Variants in LRIG3 observed in about 807,000 individuals in gnomAD.
LRIG3 encodes leucine-rich repeats and immunoglobulin-like domains protein 3.
A neutral mutation model predicts 114.5 loss-of-function variants in LRIG3; 76 were observed. That is an observed-to-expected ratio of 0.66 (90% CI 0.55 to 0.80). The LOEUF (loss-of-function observed/expected upper bound fraction) is 0.80, where lower values mean the gene tolerates loss of function less well. Among genes scored for constraint, LRIG3 ranks in the 30% least tolerant of loss-of-function variants. The pLI is 0.00. For missense variants in LRIG3, 1,239 were observed against 1,382.8 expected, an observed-to-expected ratio of 0.90 and a Z score of 1.65; for synonymous variants, 512 against 519.8, an observed-to-expected ratio of 0.98 and a Z score of 0.20.
At chr12:58,887,694 A>C (rs1321318194) in intron 8 of LRIG3, 95 bp downstream of exon 8, 2 of 1,354,612 alleles carry the variant, frequency 1.5e-6, no homozygotes, top group Admixed American at 3.7e-5. Context: ...GGCTGTATGC[A>C]TTTCCTTGAC....
intron 3 of LRIG3, among the ~76,000 whole-genome samples, chr12:58,912,211 T>G (rs781146999): frequency 6.6e-5 from 10 of 152,174 alleles, no homozygotes; most frequent in Non-Finnish European, 1.3e-4. Context: ...TGTAAAACAC[T>G]AGGGGCTGGG....
chr12:58,920,006 G>A lies in LRIG3; in HGVS notation c.230C>T (p.Ala77Val), dbSNP rs1208420737. 1 of 1,552,332 alleles carries A rather than the reference G, an allele frequency of 6.4e-7. No homozygotes were observed. The stretch of plus-strand genomic sequence containing the variant: ...CCGCGGGAAGAATACTTACAGCCGA[G>A]CGACCCAGGACGGGAGTGGCTCGGG... ...RLPEPLPSWV[A>V]RLDLSHNRLS... The change falls in exon 1 of 19, where the codon GCT becomes GTT. Residue 77 changes from alanine to valine, a missense_variant. By Grantham distance (64) the Ala-to-Val change is moderately conservative. Coordinates refer to ENST00000320743, the MANE Select transcript of LRIG3 (RefSeq NM_153377.5).
At chr12:58,880,950 T>G in intron 12 of LRIG3, 49 bp from the exon 13 acceptor site, 3 of 1,531,386 alleles carry the variant, frequency 2.0e-6, no homozygotes, top group African/African-American at 2.7e-5. Context: ...GGCTCAAGAG[T>G]CCAAATACTA....
Position 58,880,747 on chromosome 12 carries a change from T to C in LRIG3, c.1635A>G (p.Glu545=). The change falls in exon 13 of 19, where the codon GAA becomes GAG. Residue 545 remains glutamate, a synonymous_variant. Coordinates refer to ENST00000320743, the MANE Select transcript of LRIG3 (RefSeq NM_153377.5). ...KKDNELLHDA[E]MENYAHLRAQ... ...CCCGGAGGTGTGCATAATTTTCCAT[T>C]TCAGCATCATGCAGTAGTTCATTGT... 2 of 1,614,210 alleles carry C rather than the reference T, an allele frequency of 1.2e-6. No individual in the cohort carries two copies. The highest frequency in any genetic ancestry group is 8.5e-7 in the Non-Finnish European group (1 of 1,180,036).
At chr12:58,914,592 G>A (rs1872408078) in intron 1 of LRIG3, 1 of 400,414 alleles carries the variant, frequency 2.5e-6, no homozygotes, top group South Asian at 4.5e-5. Context: ...TTGGCACGTG[G>A]TGAACAGATC....
Position 58,920,413 on chromosome 12 carries a change from C to T in LRIG3, c.-178G>A. 1 of 442,252 alleles carries T rather than the reference C, an allele frequency of 2.3e-6. No individual in the cohort carries two copies. The highest frequency in any genetic ancestry group is 5.8e-4 in the Middle Eastern group (1 of 1,724). The allele number at this position is 442,252 out of a possible 1,614,324, so 27.4% of individuals were successfully genotyped here. On this transcript the variant is annotated 5_prime_UTR_variant, in exon 1 of 19. Coordinates refer to ENST00000320743, the MANE Select transcript of LRIG3 (RefSeq NM_153377.5). ...CGGCGGCGAAGCCCTTTCATGCCCC[C>T]AAACAGCAGGAGGGAAACCGAAAAG... is the stretch of plus-strand genomic sequence containing the variant.
In LRIG3 at chr12:58,886,836, G is replaced by A; in HGVS notation, c.1146C>T (p.Phe382=). 1 of 1,613,638 alleles carries A rather than the reference G, an allele frequency of 6.2e-7. No individual in the cohort carries two copies. The highest frequency in any genetic ancestry group is 8.5e-7 in the Non-Finnish European group (1 of 1,179,682). ...GTCGCCTCAGTTTGTCAAGCCCAGA[G>A]AAAGCACCATTCATGTCTTCAATAG... ...SWTIEDMNGA[F]SGLDKLRRLI... is the part of the protein sequence containing the mutation. The change falls in exon 9 of 19, where the codon TTC becomes TTT. Residue 382 remains phenylalanine, a synonymous_variant. Coordinates refer to ENST00000320743, the MANE Select transcript of LRIG3 (RefSeq NM_153377.5).
At position 58,879,076 on chromosome 12, in the gene LRIG3, C is replaced by A; in HGVS notation, c.1831G>T (p.Asp611Tyr). ...MLPSFTKTPMDLTIRAGAMAR... is the reference protein window; with the variant it reads ...MLPSFTKTPMYLTIRAGAMAR... ...ATGGCCCCAGCTCGGATGGTGAGAT[C>A]CATGGGGGTCTTGGTGAATGAGGGA... Residue 611 changes from aspartate (D) to tyrosine (Y), a missense_variant, in exon 14 of 19, where the codon GAT becomes TAT. Transcript: ENST00000320743. The A allele has an allele frequency of 6.2e-7, 1 of 1,613,130 alleles. No individual in the cohort carries two copies. The highest frequency in any genetic ancestry group is 8.5e-7 in the Non-Finnish European group (1 of 1,179,292).
At chr12:58,905,604 G>A (rs1348867788) in intron 3 of LRIG3, among the ~76,000 whole-genome samples, 2 of 152,168 alleles carry the variant, frequency 1.3e-5, no homozygotes, top group African/African-American at 4.8e-5. Flanking sequence ...GTACCGATAG[G>A]CCCTTTAAGA....
At chr12:58,905,078 A>G (rs7303924) in intron 3 of LRIG3, among the ~76,000 whole-genome samples, 19,241 of 152,222 alleles carry the variant, frequency 0.13, 1,705 homozygotes, top group African/African-American at 0.24. Context: ...GCACATCTGG[A>G]GAACTGAGGA....
chr12:58,880,588 T>C lies in LRIG3; in HGVS notation c.1794A>G (p.Thr598=), dbSNP rs766632145. 2 of 1,610,794 alleles carry C rather than the reference T, an allele frequency of 1.2e-6. No individual in the cohort carries two copies. The highest frequency in any genetic ancestry group is 1.7e-6 in the Non-Finnish European group (2 of 1,177,138). Residue 598 remains threonine, a synonymous_variant, in exon 13 of 19, where the codon ACA becomes ACG. Transcript: ENST00000320743. The stretch of plus-strand genomic sequence containing the variant: ...AAAAGTCAGATCACATACTATTTAC[T>C]GTAAGCTTGGCTTTGACAGAGTAGG... ...GSSYSVKAKL[T]VNMLPSFTKT...
Position 58,872,437 on chromosome 12 carries a change from G to T in LRIG3, c.*135C>A. ...ATTTTCATAACTTTTTGTAATTTTGGTTCATCTGTATAAATAAAGCATTTT... is the reference window on the plus strand; with the variant it reads ...ATTTTCATAACTTTTTGTAATTTTGTTTCATCTGTATAAATAAAGCATTTT... On this transcript the variant is annotated 3_prime_UTR_variant, in exon 19 of 19. Coordinates refer to ENST00000320743, the MANE Select transcript of LRIG3 (RefSeq NM_153377.5). The T allele has an allele frequency of 1.0e-6, 1 of 963,482 alleles. No homozygotes were observed. Among genetic ancestry groups the T allele is most frequent in the Non-Finnish European group, 1.4e-6 (1 of 722,762 alleles). 59.7% of individuals were successfully genotyped at this position (963,482 alleles called of 1,614,324 possible).
At chr12:58,904,302 C>T (rs912872999) in intron 3 of LRIG3, among the ~76,000 whole-genome samples, 1 of 152,096 alleles carries the variant, frequency 6.6e-6, no homozygotes, top group Non-Finnish European at 1.5e-5. Context: ...AGGAGAGAGA[C>T]ACATGTTGAA....
intron 9 of LRIG3, among the ~76,000 whole-genome samples, chr12:58,886,505 C>G (rs1871280863): frequency 6.6e-6 from 1 of 151,620 alleles, no homozygotes; most frequent in African/African-American, 2.4e-5. Context: ...AGTGCCTGCA[C>G]TAACTTTTAC....
chr12:58,919,407 G>A, intron 1 of LRIG3: 1 of 1,551,626 alleles, frequency 6.4e-7, no homozygotes, highest in Non-Finnish European at 8.7e-7. Context: ...TTACAATCTG[G>A]TTGAGGAGTG....
chr12:58,918,248 G>C (rs1192440630), intron 1 of LRIG3, among the ~76,000 whole-genome samples: 1 of 152,212 alleles, frequency 6.6e-6, no homozygotes, highest in Non-Finnish European at 1.5e-5. Flanking sequence ...ATTAAAGACT[G>C]TGCTAACCAA....
intron 5 of LRIG3, among the ~76,000 whole-genome samples, chr12:58,889,507 G>T (rs1383346336): frequency 6.7e-6 from 1 of 149,372 alleles, no homozygotes; most frequent in East Asian, 2.0e-4. Flanking sequence ...ATTGGTCTAA[G>T]GTGTGGCCTG....
chr12:58,912,340 C>CA (rs1202571414), intron 3 of LRIG3, among the ~76,000 whole-genome samples: 1 of 151,982 alleles, frequency 6.6e-6, no homozygotes, highest in South Asian at 2.1e-4. Context: ...ACTAAAAATA[C>CA]AAAAAACTAG....
intron 1 of LRIG3, 49 bp downstream of exon 1, chr12:58,919,951 C>T (rs988047625): frequency 6.6e-6 from 10 of 1,516,742 alleles, no homozygotes; most frequent in Non-Finnish European, 8.1e-6. Context: ...CCTGTTTTCT[C>T]GAATCTCCAG....
Sources: allele counts gnomAD v4.1 joint callset (sites outside exome capture counted in the v4.1 genomes callset), GRCh38; gene constraint gnomAD v4.1.1; transcripts MANE v1.5; gene names NCBI Gene and HGNC (gene_info 2026-07-23, HGNC 2026-07-21).